The following IPPK variants were observed in gnomAD, a reference collection of about 807,000 sequenced individuals.
IPPK encodes the protein inositol-pentakisphosphate 2-kinase, also known as IPK1 homolog.
IPPK carries 22 observed loss-of-function variants against 64.6 expected under a neutral mutation model. The ratio of observed to expected loss-of-function variants is 0.34; its 90% CI spans 0.24 to 0.49. IPPK has a LOEUF of 0.49. Among genes scored for constraint, IPPK ranks in the 20% least tolerant of loss-of-function variants. IPPK has a pLI of 0.99. For synonymous variants in IPPK, 262 were observed against 247.2 expected (o/e 1.06, Z -0.56); for missense variants, 532 against 630.7 (o/e 0.84, Z 1.68).
At chr9:92,630,238 T>C (rs1851813926) in intron 11 of IPPK, among the ~76,000 whole-genome samples, 1 of 152,204 alleles carries the variant, frequency 6.6e-6, no homozygotes. Flanking sequence ...ACAACATGGA[T>C]GAACCTTGAA....
In IPPK at chr9:92,665,998, G is replaced by A. The variant is rs539936300; in HGVS notation, c.81+3910C>T. 5.3e-5 allele frequency among the ~76,000 whole-genome samples: 8 copies of A among 152,274 alleles called. No homozygotes were observed. In the East Asian group the frequency reaches 1.5e-3, roughly 29 times the overall value. The stretch of plus-strand genomic sequence containing the variant: ...TCCCCAGGCAACAAAACAATTTGCA[G>A]AAATGATCTGAAGCTCTCAGACTCT... On this transcript the variant is annotated intron_variant, in intron 1 of 12. Transcript: ENST00000287996.
At chr9:92,669,744 G>A (rs973683449) in intron 1 of IPPK, among the ~76,000 whole-genome samples, 164 bp downstream of exon 1, 1 of 141,052 alleles carries the variant, frequency 7.1e-6, no homozygotes, top group African/African-American at 2.5e-5. Context: ...CCAAGCGGTA[G>A]GGGGGGATGC....
In IPPK at chr9:92,634,454, C is replaced by T; in HGVS notation, c.1102G>A (p.Ala368Thr). Residue 368 changes from alanine to threonine, a missense_variant, in exon 11 of 13, where the codon GCA (alanine) becomes ACA (threonine). Coordinates refer to ENST00000287996, the MANE Select transcript of IPPK (RefSeq NM_022755.6). ...AGGTCAAGCAGCTTCTGGTAAAATG[C>T]TTCATCATAAGGCCCATCTATTTGT... Reference protein sequence around the residue: ...TLQIDGPYDEAFYQKLLDLST... With the variant: ...TLQIDGPYDETFYQKLLDLST... The T allele has an allele frequency of 2.5e-6, 4 of 1,614,064 alleles. No homozygotes were observed. The highest frequency in any genetic ancestry group is 3.4e-6 in the Non-Finnish European group (4 of 1,179,896).
Position 92,635,035 on chromosome 9 carries a change from G to A in IPPK, c.1067+123C>T. Reference sequence around the variant, plus strand: ...GGGCACCTGGGAGCGGAGGACTGGGGTAGGAAGTGGCCGGCATGCTTCATC... The same window carrying A: ...GGGCACCTGGGAGCGGAGGACTGGGATAGGAAGTGGCCGGCATGCTTCATC... On this transcript the variant is annotated intron_variant, in intron 10 of 12. Transcript: ENST00000287996. This position sits in a 1 kb window ranked among gnomAD's most constrained non-coding sequence, Gnocchi z 4.4. The A allele has an allele frequency of 1.1e-6, 1 of 916,524 alleles. No individual in the cohort carries two copies. Among genetic ancestry groups the A allele is most frequent in the Admixed American group, 2.6e-5 (1 of 39,202 alleles). 56.8% of individuals were successfully genotyped at this position (916,524 alleles called of 1,614,324 possible).
In IPPK at chr9:92,644,999, A is replaced by C. The variant is rs549692811; in HGVS notation, c.505-2189T>G. 1.8e-4 allele frequency among the ~76,000 whole-genome samples: 28 copies of C among 152,352 alleles called. No homozygotes were observed. In the South Asian group the frequency reaches 5.2e-3, roughly 28 times the overall value. ...ACTATTTTAAATATGCTTAGAGCTA[A>C]AGGAAACTAGGGACAAAGAACTAAA... On this transcript the variant is annotated intron_variant, in intron 6 of 12. Transcript: ENST00000287996.
Position 92,615,632 on chromosome 9 carries a change from A to G in IPPK, c.*200T>C, listed in dbSNP as rs1851406651. The stretch of plus-strand genomic sequence containing the variant: ...GAGTGTGAGCAGCTTCCTGGGACAC[A>G]GCACTCACTTCCTACATTCCTTGTC... On this transcript the variant is annotated 3_prime_UTR_variant, in exon 13 of 13. Coordinates refer to ENST00000287996, the MANE Select transcript of IPPK (RefSeq NM_022755.6). 1 of 561,006 alleles carries G rather than the reference A, an allele frequency of 1.8e-6. No individual in the cohort carries two copies. Among genetic ancestry groups the G allele is most frequent in the African/African-American group, 1.9e-5 (1 of 53,130 alleles). The allele number at this position is 561,006 out of a possible 1,614,324, so 34.8% of individuals were successfully genotyped here. A position where few individuals can be genotyped will look rare whatever the true frequency, so the allele number is the denominator to read the frequency against.
At chr9:92,654,353 C>T (rs891733384) in intron 3 of IPPK, among the ~76,000 whole-genome samples, 1 of 152,112 alleles carries the variant, frequency 6.6e-6, no homozygotes, top group African/African-American at 2.4e-5. Context: ...CCCATTTCCA[C>T]AAGAAAAACT....
At chr9:92,668,241 C>T (rs1187148419) in intron 1 of IPPK, among the ~76,000 whole-genome samples, 1 of 152,162 alleles carries the variant, frequency 6.6e-6, no homozygotes, top group Non-Finnish European at 1.5e-5. Context: ...GCACTCCAGC[C>T]TGGGCAACAG....
Position 92,649,867 on chromosome 9 carries a change from A to G in IPPK, c.293-293T>C, listed in dbSNP as rs576948382. Among the ~76,000 whole-genome samples the G allele has an allele frequency of 3.3e-5, 5 of 152,094 alleles. No homozygotes were observed. The South Asian group carries it at 8.3e-4, about 25-fold the overall frequency. ...ATAGTGAAACCCCGTCTCTACTAAAAATACAAAAATTAGCCAGGCATGGTG... is the reference window on the plus strand; with the variant it reads ...ATAGTGAAACCCCGTCTCTACTAAAGATACAAAAATTAGCCAGGCATGGTG... On this transcript the variant is annotated intron_variant, in intron 4 of 12. Coordinates refer to ENST00000287996, the MANE Select transcript of IPPK (RefSeq NM_022755.6).
intron 11 of IPPK, among the ~76,000 whole-genome samples, chr9:92,631,116 A>C (rs1851834139): frequency 6.6e-6 from 1 of 151,912 alleles, no homozygotes; most frequent in South Asian, 2.1e-4. Context: ...CAAAAGCAAG[A>C]GTTATTGGGG....
intron 1 of IPPK, among the ~76,000 whole-genome samples, chr9:92,664,401 C>T (rs540231081): frequency 6.6e-6 from 1 of 152,344 alleles, no homozygotes; most frequent in East Asian, 1.9e-4. Flanking sequence ...CTGGAGACAG[C>T]CTGGGGTCAG....
At chr9:92,623,231 G>C (rs1055309079) in intron 11 of IPPK, among the ~76,000 whole-genome samples, 1 of 152,064 alleles carries the variant, frequency 6.6e-6, no homozygotes, top group African/African-American at 2.4e-5. Flanking sequence ...TCAGGAGATC[G>C]AGACCATCCT....
chr9:92,649,497 A>T lies in IPPK; in HGVS notation c.370T>A (p.Tyr124Asn), dbSNP rs1852217509. ...CLPNLTRLQT[Y>N]RFAEHRPILC... ...ATCGGCCGGTGCTCTGCAAAGCGGT[A>T]GGTTTGGAGTCTGGTTAAATTAGGA... The change falls in exon 5 of 13, where the codon TAC (tyrosine) becomes AAC (asparagine). Residue 124 changes from tyrosine to asparagine, a missense_variant. By Grantham distance (143) the Tyr-to-Asn change is moderately radical. Transcript: ENST00000287996. 1 of 1,614,084 alleles carries T rather than the reference A, an allele frequency of 6.2e-7. No homozygotes were observed. The highest frequency in any genetic ancestry group is 8.5e-7 in the Non-Finnish European group (1 of 1,180,006).
chr9:92,656,168 G>A (rs2131457226), intron 3 of IPPK, among the ~76,000 whole-genome samples: 1 of 152,298 alleles, frequency 6.6e-6, no homozygotes, highest in Non-Finnish European at 1.5e-5. Flanking sequence ...ATTGCTTGAG[G>A]GGCATTGCTC....
intron 4 of IPPK, 79 bp from the exon 5 acceptor site, chr9:92,649,653 C>T (rs1852221533): frequency 3.2e-6 from 5 of 1,550,934 alleles, no homozygotes; most frequent in Non-Finnish European, 4.4e-6. Context: ...CAGGCCCCGC[C>T]TTGTCCCTGG....
At chr9:92,651,544 C>T (rs946132029) in intron 4 of IPPK, among the ~76,000 whole-genome samples, 3 of 152,204 alleles carry the variant, frequency 2.0e-5, no homozygotes, top group African/African-American at 7.2e-5. Flanking sequence ...GGGGACAGCT[C>T]CCTGGGCTGC....
intron 7 of IPPK, 34 bp from the exon 8 acceptor site, chr9:92,640,816 C>T (rs780201178): frequency 1.4e-6 from 2 of 1,449,638 alleles, no homozygotes; most frequent in Non-Finnish European, 1.9e-6. Context: ...GCTTTAAATG[C>T]AGCTGGAACT....
chr9:92,656,877 C>A (rs1434921020), intron 2 of IPPK, among the ~76,000 whole-genome samples: 4 of 152,230 alleles, frequency 2.6e-5, no homozygotes, highest in African/African-American at 9.6e-5. Flanking sequence ...ACTTTGAAAA[C>A]CTCCGACATC....
Position 92,613,383 on chromosome 9 carries a change from A to C in IPPK, c.*2449T>G. 1 of 453,354 alleles carries C rather than the reference A, an allele frequency of 2.2e-6. No homozygotes were observed. The highest frequency in any genetic ancestry group is 2.3e-5 in the South Asian group (1 of 44,120). 28.1% of individuals were successfully genotyped at this position (453,354 alleles called of 1,614,324 possible). A position where few individuals can be genotyped will look rare whatever the true frequency, so the allele number is the denominator to read the frequency against. On this transcript the variant is annotated 3_prime_UTR_variant, in exon 13 of 13. Coordinates refer to ENST00000287996, the MANE Select transcript of IPPK (RefSeq NM_022755.6). Reference sequence around the variant, plus strand: ...CAATGTGGTTTATAAAAATAAGCTTAACATCTGAGAAAATGTACCAAGTGG... The same window carrying C: ...CAATGTGGTTTATAAAAATAAGCTTCACATCTGAGAAAATGTACCAAGTGG...
Sources: gnomAD v4.1 joint callset for allele counts (sites outside exome capture counted in the v4.1 genomes callset) on GRCh38, gnomAD v4.1.1 for gene constraint, Gnocchi (gnomAD v3.1) non-coding constraint, MANE v1.5 for transcripts, NCBI Gene and HGNC (gene_info 2026-07-23, HGNC 2026-07-21) for gene names.